Variants in MME observed in about 807,000 individuals in gnomAD.
MME encodes neprilysin.
MME carries 98 observed loss-of-function variants against 113.2 expected under a neutral mutation model. That is an observed-to-expected ratio of 0.87 (90% confidence interval 0.74 to 1.02). The LOEUF (loss-of-function observed/expected upper bound fraction) is 1.02, where lower values mean the gene tolerates loss of function less well. Among genes scored for constraint, MME ranks in the 50% least tolerant of loss-of-function variants. The pLI, the probability that MME is intolerant of heterozygous loss-of-function variation, is 0.00. For synonymous variants in MME, 292 were observed against 300.6 expected, an observed-to-expected ratio of 0.97 and a Z score of 0.30; for missense variants, 836 against 896.0, an observed-to-expected ratio of 0.93 and a Z score of 0.86.
chr3:155,173,723 A>G (rs1712223299), intron 22 of MME, among the ~76,000 whole-genome samples: 1 of 152,048 alleles, frequency 6.6e-6, no homozygotes, highest in Non-Finnish European at 1.5e-5. Flanking sequence ...TAACTGCTTT[A>G]TAGGTAATGA....
chr3:155,172,848 A>G (rs1712137958), intron 22 of MME, among the ~76,000 whole-genome samples: 1 of 152,012 alleles, frequency 6.6e-6, no homozygotes, highest in Non-Finnish European at 1.5e-5. Context: ...AGAATCTACG[A>G]GGCTCAGGGC....
At position 155,168,521 on chromosome 3, in the gene MME, G is replaced by A. The variant is rs200308077; in HGVS notation, c.1810G>A (p.Val604Ile). 200 of 1,613,294 alleles carry A rather than the reference G, an allele frequency of 1.2e-4. 1 individual carries two copies. The highest frequency in any genetic ancestry group is 9.7e-4 in the South Asian group (88 of 91,058). Reference sequence around the variant, plus strand: ...AAACTTTAACAAAGATGGAGACCTCGTTGACTGGTGGACTCAACAGTCTGC... The same window carrying A: ...AAACTTTAACAAAGATGGAGACCTCATTGACTGGTGGACTCAACAGTCTGC... ...GRNFNKDGDL[V>I]DWWTQQSASN... Residue 604 changes from valine to isoleucine, a missense_variant, in exon 19 of 23, where the codon GTT becomes ATT. By Grantham distance (29) the Val-to-Ile change is conservative (BLOSUM62 3). Transcript: ENST00000360490.
At chr3:155,067,414 G>T (rs1422026990) in intron 1 of MME, among the ~76,000 whole-genome samples, 1 of 139,828 alleles carries the variant, frequency 7.2e-6, no homozygotes, top group Non-Finnish European at 1.5e-5. Context: ...AGGTTCAAAC[G>T]ATTCTCCTGC....
At position 155,182,727 on chromosome 3, in the gene MME, C is replaced by T. The variant is rs1713214585; in HGVS notation, c.*2268C>T. ...ACTCTTCACTGTTAGCTTTTTAAAA[C>T]ATTAGGCTCCCATCCCTATGGAGGA... is the stretch of plus-strand genomic sequence containing the variant. On this transcript the variant is annotated 3_prime_UTR_variant, in exon 23 of 23. Transcript: ENST00000360490. 2 of 152,194 alleles carry T rather than the reference C, an allele frequency of 1.3e-5. No homozygotes were observed. Among genetic ancestry groups the T allele is most frequent in the South Asian group, 4.1e-4 (2 of 4,838 alleles). 9.4% of individuals were successfully genotyped at this position (152,194 alleles called of 1,614,324 possible).
upstream of MME, among the ~76,000 whole-genome samples, chr3:155,077,731 G>A (rs1463842406): frequency 6.6e-6 from 1 of 150,414 alleles, no homozygotes; most frequent in East Asian, 1.9e-4. Context: ...ACGAACAACA[G>A]CAACAACAAC....
At chr3:155,079,635 G>GT (rs999584914), upstream of MME, 11 of 139,278 alleles carry the variant, frequency 7.9e-5, 1 homozygote, top group Admixed American at 2.8e-4. Flanking sequence ...GGGGGTGGGG[G>GT]GGGTGGGCCG....
At chr3:155,177,841 A>G (rs1339344931) in intron 22 of MME, among the ~76,000 whole-genome samples, 1 of 152,188 alleles carries the variant, frequency 6.6e-6, no homozygotes. Flanking sequence ...GGAATCTGAT[A>G]TCATCACACA....
chr3:155,109,218 TG>T (rs1559922882), intron 3 of MME, among the ~76,000 whole-genome samples: 2 of 144,452 alleles, frequency 1.4e-5, no homozygotes, highest in Non-Finnish European at 3.1e-5. Flanking sequence ...CCATGGGGGG[TG>T]AAATTCAAGA....
chr3:155,113,807 T>G (rs1392774560), intron 3 of MME, among the ~76,000 whole-genome samples: 2 of 152,242 alleles, frequency 1.3e-5, no homozygotes, highest in African/African-American at 2.4e-5. Context: ...ACCCAAAGTT[T>G]CAAATCCAGG....
chr3:155,088,869 G>A (rs1177750909), intron 3 of MME, among the ~76,000 whole-genome samples: 2 of 152,100 alleles, frequency 1.3e-5, no homozygotes, highest in Non-Finnish European at 2.9e-5. Context: ...TATGAAAGAT[G>A]GCCCCAACTT....
Position 155,172,223 on chromosome 3 carries a change from T to C in MME, c.2076+11T>C. On this transcript the variant is annotated intron_variant, in intron 21 of 22. Transcript: ENST00000360490. ...TTGAACTTTGCACAGGTATTGTGTC[T>C]TTCTTGATTGATAGATATGAAAACC... 1 of 1,551,816 alleles carries C rather than the reference T, an allele frequency of 6.4e-7. No homozygotes were observed. Among genetic ancestry groups the C allele is most frequent in the Non-Finnish European group, 8.9e-7 (1 of 1,123,774 alleles).
chr3:155,046,049 G>GATTT (rs1366380798), intron 1 of MME, among the ~76,000 whole-genome samples: 1 of 152,040 alleles, frequency 6.6e-6, no homozygotes, highest in African/African-American at 2.4e-5. Flanking sequence ...ATTTTAGCCG[G>GATTT]ATTTTCTTCA....
chr3:155,050,728 T>C (rs1713732664), intron 1 of MME, among the ~76,000 whole-genome samples: 1 of 152,208 alleles, frequency 6.6e-6, no homozygotes. Flanking sequence ...ACTCTGGATA[T>C]TAGAACACTG....
intron 5 of MME, 25 bp downstream of exon 5, chr3:155,116,584 T>A: frequency 2.5e-6 from 3 of 1,209,752 alleles, no homozygotes; most frequent in Non-Finnish European, 3.5e-6. Context: ...TTTGATTTCA[T>A]TAGGAGTATA....
intron 1 of MME, among the ~76,000 whole-genome samples, chr3:155,045,157 T>A (rs1421890201): frequency 6.7e-6 from 1 of 149,448 alleles, no homozygotes; most frequent in Non-Finnish European, 1.5e-5. Context: ...TAAAAAGACT[T>A]TTTTTTTTTT....
chr3:155,062,592 TA>T (rs1179035194), intron 1 of MME, among the ~76,000 whole-genome samples: 2 of 151,846 alleles, frequency 1.3e-5, no homozygotes, highest in Non-Finnish European at 2.9e-5. Context: ...CACATGAGAA[TA>T]AAAAAGAACA....
In MME at chr3:155,174,334, G is replaced by A. The variant is rs1344051812; in HGVS notation, c.2153+1722G>A. Among the ~76,000 whole-genome samples the A allele has an allele frequency of 5.7e-5, 6 of 104,966 alleles. No homozygotes were observed. In the East Asian group the frequency reaches 2.4e-3, roughly 42 times the overall value. The allele number at this position is 104,966 out of a possible 152,430, so 68.9% of individuals were successfully genotyped here. On this transcript the variant is annotated intron_variant, in intron 22 of 22. Coordinates refer to ENST00000360490, the MANE Select transcript of MME (RefSeq NM_007289.4). ...TTCATAACAACAGAAGCGTGTGTGT[G>A]TGTGTGTGTGTGTGTGTGTGTGTGT...
At chr3:155,154,354 A>C (rs537952942) in intron 16 of MME, among the ~76,000 whole-genome samples, 18 of 152,292 alleles carry the variant, frequency 1.2e-4, no homozygotes, top group Middle Eastern at 3.4e-3. Context: ...GGGAAGTGAC[A>C]CTGTAGTTTT....
upstream of MME, among the ~76,000 whole-genome samples, chr3:155,078,621 A>G (rs1025656777): frequency 2.0e-5 from 3 of 151,204 alleles, no homozygotes; most frequent in Non-Finnish European, 2.9e-5. Flanking sequence ...GTTTTATTTC[A>G]GTATGAATTC....
Sources: gnomAD v4.1 joint callset for allele counts (sites outside exome capture counted in the v4.1 genomes callset) on GRCh38, gnomAD v4.1.1 for gene constraint, MANE v1.5 for transcripts, NCBI Gene and HGNC (gene_info 2026-07-23, HGNC 2026-07-21) for gene names.